ARHGAP15: variants seen among roughly 807,000 people sequenced by gnomAD.
The protein encoded by ARHGAP15 is Rho GTPase activating protein 15.
Under a neutral mutation model 63.7 loss-of-function variants are expected in ARHGAP15, and 51 were observed. The ratio of observed to expected loss-of-function variants is 0.80; its 90% confidence interval spans 0.64 to 1.01. The LOEUF is 1.01. Among genes scored for constraint, ARHGAP15 ranks in the 50% least tolerant of loss-of-function variants. ARHGAP15 has a pLI of 0.00. For missense variants in ARHGAP15, 560 were observed against 564.6 expected (o/e 0.99, Z 0.08); for synonymous variants, 191 against 193.8 (o/e 0.99, Z 0.12).
chr2:143,601,837 T>G (rs1161265137), intron 11 of ARHGAP15, among the ~76,000 whole-genome samples: 1 of 152,198 alleles, frequency 6.6e-6, no homozygotes, highest in Non-Finnish European at 1.5e-5. Flanking sequence ...TTTATTCCAG[T>G]CTCAGCTATG....
intron 12 of ARHGAP15, among the ~76,000 whole-genome samples, chr2:143,701,189 C>A (rs998164779): frequency 6.6e-6 from 1 of 152,170 alleles, no homozygotes; most frequent in African/African-American, 2.4e-5. Context: ...CCCCATCCCA[C>A]TTTAGCCAAA....
chr2:143,151,950 T>C (rs1689840808), intron 1 of ARHGAP15, among the ~76,000 whole-genome samples: 3 of 151,958 alleles, frequency 2.0e-5, no homozygotes, highest in Non-Finnish European at 1.5e-5. Flanking sequence ...TAGATTTCCA[T>C]CCTCAACTGT....
chr2:143,170,568 T>C (rs149610781), intron 2 of ARHGAP15, among the ~76,000 whole-genome samples: 4 of 152,188 alleles, frequency 2.6e-5, no homozygotes, highest in African/African-American at 7.2e-5. Flanking sequence ...ACTGCATGCA[T>C]TTGTGGATAC....
intron 6 of ARHGAP15, among the ~76,000 whole-genome samples, chr2:143,259,319 A>ACAGT (rs1235562427): frequency 6.6e-6 from 1 of 152,164 alleles, no homozygotes; most frequent in Non-Finnish European, 1.5e-5. Context: ...ATTTTCTACT[A>ACAGT]CAGTATCAAT....
chr2:143,494,140 T>C (rs191916950), intron 9 of ARHGAP15, among the ~76,000 whole-genome samples: 23 of 152,296 alleles, frequency 1.5e-4, no homozygotes, highest in Non-Finnish European at 3.1e-4. Context: ...TTTATATTTT[T>C]GTTATTACAT....
intron 2 of ARHGAP15, among the ~76,000 whole-genome samples, chr2:143,176,145 T>C (rs1190386619): frequency 6.6e-6 from 1 of 152,070 alleles, no homozygotes; most frequent in Non-Finnish European, 1.5e-5. Context: ...ATGACTTAAT[T>C]CCCTTAAGCA....
chr2:143,760,059 C>G (rs1170061686), intron 13 of ARHGAP15, among the ~76,000 whole-genome samples: 1 of 152,132 alleles, frequency 6.6e-6, no homozygotes, highest in Non-Finnish European at 1.5e-5. Flanking sequence ...AGATTTTAAG[C>G]TTCATCTGAG....
intron 12 of ARHGAP15, among the ~76,000 whole-genome samples, chr2:143,659,893 T>G (rs970336813): frequency 1.3e-5 from 2 of 152,024 alleles, no homozygotes; most frequent in African/African-American, 4.8e-5. Context: ...TCTTGGAGTT[T>G]TTTTTTCCCC....
chr2:143,591,749 AG>A (rs1001008987), intron 11 of ARHGAP15, among the ~76,000 whole-genome samples: 3 of 151,182 alleles, frequency 2.0e-5, no homozygotes, highest in African/African-American at 7.3e-5. Context: ...CCTCCTGAGT[AG>A]CTGGGATTAC....
At chr2:143,172,948 C>T (rs772384161) in intron 2 of ARHGAP15, among the ~76,000 whole-genome samples, 1 of 151,912 alleles carries the variant, frequency 6.6e-6, no homozygotes, top group African/African-American at 2.4e-5. Flanking sequence ...TAAGAGGGCT[C>T]GAACCTTTAA....
At chr2:143,340,075 T>C (rs1165616047) in intron 6 of ARHGAP15, among the ~76,000 whole-genome samples, 1 of 152,176 alleles carries the variant, frequency 6.6e-6, no homozygotes, top group Non-Finnish European at 1.5e-5. Context: ...ATACTGCTCA[T>C]ATATACAGAA....
At chr2:143,732,991 T>C (rs901404803) in intron 13 of ARHGAP15, among the ~76,000 whole-genome samples, 2 of 147,048 alleles carry the variant, frequency 1.4e-5, no homozygotes, top group African/African-American at 2.5e-5. Flanking sequence ...TGTTTTCTAA[T>C]AGAGAGGGAG....
rs75719546 is a variant in ARHGAP15 at position 143,151,996 on chromosome 2, C to A, written c.-14-3481C>A. On this transcript the variant is annotated intron_variant, in intron 1 of 13. Transcript: ENST00000295095. The stretch of plus-strand genomic sequence containing the variant: ...TCCGGCAGCAGGGCTCTGCTTCCCT[C>A]TCAATTCATCTCCATTCTCAATTCA... Among the ~76,000 whole-genome samples the A allele has an allele frequency of 9.5e-3, 1,437 of 151,988 alleles. 21 individuals are homozygous for A. Among genetic ancestry groups the A allele is most frequent in the African/African-American group, 0.032 (1,346 of 41,498 alleles).
At chr2:143,710,118 G>C (rs1395008496) in intron 13 of ARHGAP15, among the ~76,000 whole-genome samples, 1 of 152,124 alleles carries the variant, frequency 6.6e-6, no homozygotes, top group Non-Finnish European at 1.5e-5. Context: ...ACTGGAAAAT[G>C]AGGAACCTGT....
intron 12 of ARHGAP15, among the ~76,000 whole-genome samples, chr2:143,636,031 T>A (rs1390116079): frequency 4.6e-5 from 7 of 152,136 alleles, no homozygotes; most frequent in African/African-American, 2.4e-5. Context: ...CCTGAGTCCA[T>A]GATTACTGTC....
At chr2:143,196,178 C>T (rs1691879789) in intron 2 of ARHGAP15, among the ~76,000 whole-genome samples, 1 of 151,852 alleles carries the variant, frequency 6.6e-6, no homozygotes, top group Admixed American at 6.6e-5. Flanking sequence ...AATTAGAAAG[C>T]TAAGTACCTG....
intron 2 of ARHGAP15, 62 bp downstream of exon 2, chr2:143,155,717 A>C (rs1690051213): frequency 2.7e-6 from 4 of 1,471,736 alleles, no homozygotes; most frequent in Admixed American, 2.5e-5. Context: ...AAAAGGAAAA[A>C]AAAAAGCTAA....
intron 6 of ARHGAP15, among the ~76,000 whole-genome samples, chr2:143,288,967 T>C (rs1395626372): frequency 6.6e-6 from 1 of 151,928 alleles, no homozygotes; most frequent in Non-Finnish European, 1.5e-5. Flanking sequence ...TTTTGTTTTT[T>C]CTCCACCTTG....
At chr2:143,536,164 A>G (rs995940316) in intron 10 of ARHGAP15, among the ~76,000 whole-genome samples, 1 of 152,162 alleles carries the variant, frequency 6.6e-6, no homozygotes, top group African/African-American at 2.4e-5. Context: ...GCTAATTATA[A>G]TTATGTATCC....
Sources: gnomAD v4.1 joint callset for allele counts (sites outside exome capture counted in the v4.1 genomes callset) on GRCh38, gnomAD v4.1.1 for gene constraint, MANE v1.5 for transcripts, NCBI Gene and HGNC (gene_info 2026-07-23, HGNC 2026-07-21) for gene names.